Variants in SLC16A7 observed in about 807,000 individuals in gnomAD.
SLC16A7 encodes the protein solute carrier family 16 member 7.
Under a neutral mutation model 34.9 loss-of-function variants are expected in SLC16A7, and 33 were observed. The ratio of observed to expected loss-of-function variants is 0.94; its 90% CI spans 0.72 to 1.26. The LOEUF is 1.26. Among genes scored for constraint, SLC16A7 ranks in the 50% most tolerant of loss-of-function variants. SLC16A7 has a pLI of 0.00. For missense variants in SLC16A7, 573 were observed against 578.1 expected (o/e 0.99, Z 0.09); for synonymous variants, 201 against 206.6 (o/e 0.97, Z 0.23).
intron 1 of SLC16A7, among the ~76,000 whole-genome samples, chr12:59,615,359 G>GA (rs201075173): frequency 2.5e-4 from 37 of 149,440 alleles, no homozygotes; most frequent in East Asian, 1.2e-3. Flanking sequence ...ATCTGAAAAT[G>GA]AAAAAAAAAC....
At chr12:59,754,810 A>G (rs891951591) in intron 3 of SLC16A7, among the ~76,000 whole-genome samples, 1 of 152,220 alleles carries the variant, frequency 6.6e-6, no homozygotes, top group Non-Finnish European at 1.5e-5. Flanking sequence ...ACCAAAAAAG[A>G]GAATTTTAGA....
chr12:59,711,266 A>G (rs1874194598), intron 3 of SLC16A7, among the ~76,000 whole-genome samples: 1 of 152,216 alleles, frequency 6.6e-6, no homozygotes, highest in Non-Finnish European at 1.5e-5. Flanking sequence ...GAGACAAAGT[A>G]TTAACAATAA....
At chr12:59,605,369 G>T (rs1163076203) in intron 1 of SLC16A7, among the ~76,000 whole-genome samples, 1 of 152,190 alleles carries the variant, frequency 6.6e-6, no homozygotes, top group Non-Finnish European at 1.5e-5. Context: ...AACTCAGTTT[G>T]CAAGGTGGTA....
chr12:59,769,797 A>G (rs867127059), intron 3 of SLC16A7, among the ~76,000 whole-genome samples: 2 of 152,222 alleles, frequency 1.3e-5, no homozygotes, highest in Non-Finnish European at 2.9e-5. Flanking sequence ...GGAAATTCTT[A>G]ATACCATAGT....
In SLC16A7 at chr12:59,677,095, G is replaced by A. The variant is rs151096335; in HGVS notation, c.-31+21845G>A. 1.8e-3 allele frequency among the ~76,000 whole-genome samples: 272 copies of A among 152,130 alleles called. 2 individuals are homozygous for A. The highest frequency in any genetic ancestry group is 9.3e-4 in the Non-Finnish European group (63 of 67,964). On this transcript the variant is annotated intron_variant, in intron 2 of 5. Coordinates refer to ENST00000547379, the MANE Select transcript of SLC16A7 (RefSeq NM_001270623.2). The stretch of plus-strand genomic sequence containing the variant: ...TTTTCTTATAATAGAAATATTTAAT[G>A]AATCATGAATTTTTGATACTTTGAA...
intron 1 of SLC16A7, among the ~76,000 whole-genome samples, chr12:59,612,635 C>T (rs1254032972): frequency 1.3e-5 from 2 of 152,142 alleles, no homozygotes; most frequent in Non-Finnish European, 2.9e-5. Flanking sequence ...GCATATTTTC[C>T]AAACTTTTAT....
intron 1 of SLC16A7, among the ~76,000 whole-genome samples, chr12:59,623,048 G>C (rs1269030660): frequency 1.1e-4 from 2 of 17,560 alleles, no homozygotes; most frequent in African/African-American, 5.0e-4. Flanking sequence ...ACTGAATGCT[G>C]TGTGTGTGTG....
intron 1 of SLC16A7, among the ~76,000 whole-genome samples, chr12:59,616,255 A>G (rs1879444238): frequency 6.6e-6 from 1 of 152,208 alleles, no homozygotes; most frequent in Non-Finnish European, 1.5e-5. Flanking sequence ...GCACCCTGAC[A>G]GTACCTAAAT....
chr12:59,713,794 TAAG>T lies in SLC16A7; in HGVS notation c.217+8782_217+8784del, dbSNP rs1466208952. Among the ~76,000 whole-genome samples the T allele has an allele frequency of 2.0e-5, 3 of 152,274 alleles. No homozygotes were observed. In the South Asian group the frequency reaches 6.2e-4, roughly 32 times the overall value. On this transcript the variant is annotated intron_variant, in intron 3 of 5. Transcript: ENST00000547379. ...TGTCCAGGTAATCCAGCATCACAAT[TAAG>T]AAGAAAACTATACATAATTTCACTC...
At chr12:59,606,332 T>A (rs1878936401) in intron 1 of SLC16A7, among the ~76,000 whole-genome samples, 1 of 152,174 alleles carries the variant, frequency 6.6e-6, no homozygotes, top group Non-Finnish European at 1.5e-5. Flanking sequence ...TAAGGGAATT[T>A]TAAGAGGGAA....
chr12:59,775,413 G>A lies in SLC16A7; in HGVS notation c.1118G>A (p.Ser373Asn). ...CTCGTGGGTGCACCAAGATTTTCCAGTGCCGTCGGACTTGTCACAATTGTG... is the reference window on the plus strand; with the variant it reads ...CTCGTGGGTGCACCAAGATTTTCCAATGCCGTCGGACTTGTCACAATTGTG... ...MDLVGAPRFS[S>N]AVGLVTIVEC... The change falls in exon 5 of 6, where the codon AGT becomes AAT. Residue 373 changes from serine to asparagine, a missense_variant. By Grantham distance (46) the Ser-to-Asn change is conservative. Coordinates refer to ENST00000547379, the MANE Select transcript of SLC16A7 (RefSeq NM_001270623.2). 6.2e-7 allele frequency: 1 copy of A among 1,614,080 alleles called. No homozygotes were observed.
rs143170084 is a variant in SLC16A7, at chr12:59,630,647, C to T, written c.-129-24505C>T. ...CAAATTGCACTATGAGAAAACCTAT[C>T]GTAGTAGCTCTGAGACTTCAAATTT... On this transcript the variant is annotated intron_variant, in intron 1 of 5. Transcript: ENST00000547379. Among the ~76,000 whole-genome samples, 175 of 151,914 alleles carry T rather than the reference C, an allele frequency of 1.2e-3. 1 individual carries two copies. Among genetic ancestry groups the T allele is most frequent in the African/African-American group, 3.9e-3 (161 of 41,490 alleles).
At chr12:59,669,090 T>C (rs1869453619) in intron 2 of SLC16A7, among the ~76,000 whole-genome samples, 1 of 152,176 alleles carries the variant, frequency 6.6e-6, no homozygotes. Flanking sequence ...GAGAACGGAC[T>C]AATACAGAGA....
rs1160162775 is a variant in SLC16A7, at chr12:59,615,470, G to GT, written c.-130+19242dup. Among the ~76,000 whole-genome samples the GT allele has an allele frequency of 4.6e-5, 7 of 151,414 alleles. No homozygotes were observed. The South Asian group carries it at 6.3e-4, about 14-fold the overall frequency. ...CATTTGACATTGACTTTTACCTTTT[G>GT]TTTTTTTTACAATCTCTTGTAAGAG... On this transcript the variant is annotated intron_variant, in intron 1 of 5. Coordinates refer to ENST00000547379, the MANE Select transcript of SLC16A7 (RefSeq NM_001270623.2).
chr12:59,709,188 TG>T (rs1246758029), intron 3 of SLC16A7, among the ~76,000 whole-genome samples: 3 of 151,764 alleles, frequency 2.0e-5, no homozygotes, highest in Admixed American at 1.3e-4. Context: ...TGCCAGTTTC[TG>T]TGAGTACTTT....
intron 1 of SLC16A7, among the ~76,000 whole-genome samples, chr12:59,632,319 A>G (rs1418334661): frequency 6.6e-6 from 1 of 150,624 alleles, no homozygotes; most frequent in Non-Finnish European, 1.5e-5. Flanking sequence ...AAGGGAATTG[A>G]AAGTTTCTAA....
intron 3 of SLC16A7, among the ~76,000 whole-genome samples, chr12:59,770,497 T>C (rs1029627323): frequency 1.3e-5 from 2 of 152,178 alleles, no homozygotes; most frequent in South Asian, 2.1e-4. Flanking sequence ...TTTATATTCA[T>C]TTTTCAAATG....
At chr12:59,664,002 T>C (rs936079875) in intron 2 of SLC16A7, among the ~76,000 whole-genome samples, 7 of 152,018 alleles carry the variant, frequency 4.6e-5, no homozygotes, top group South Asian at 4.1e-4. Flanking sequence ...TCTCATCCAC[T>C]GATAGAGGAG....
intron 2 of SLC16A7, among the ~76,000 whole-genome samples, chr12:59,679,288 G>A (rs1022715841): frequency 6.6e-6 from 1 of 152,118 alleles, no homozygotes; most frequent in African/African-American, 2.4e-5. Context: ...AAGTCAGAAG[G>A]GAGTGGGACT....
Sources: allele counts gnomAD v4.1 joint callset (sites outside exome capture counted in the v4.1 genomes callset), GRCh38; gene constraint gnomAD v4.1.1; transcripts MANE v1.5; gene names NCBI Gene and HGNC (gene_info 2026-07-23, HGNC 2026-07-21).